The following PPP2R2B variants were observed in gnomAD, a reference collection of about 807,000 sequenced individuals.
PPP2R2B encodes the protein serine/threonine-protein phosphatase 2A 55 kDa regulatory subunit B beta isoform.
A neutral mutation model predicts 46.0 loss-of-function variants in PPP2R2B; 5 were observed. The observed-to-expected ratio is 0.11, with a 90% CI of 0.06 to 0.23. PPP2R2B has a LOEUF of 0.23. Ranked by LOEUF, PPP2R2B falls within the 10% of genes least tolerant of loss-of-function variation. The probability of loss-of-function intolerance (pLI) is 1.00; values close to 1 mark genes in which losing one functional copy is unlikely to be tolerated. For synonymous variants in PPP2R2B, 215 were observed against 206.7 expected, an observed-to-expected ratio of 1.04 and a Z score of -0.34; for missense variants, 367 against 575.0, an observed-to-expected ratio of 0.64 and a Z score of 3.70.
intron 1 of PPP2R2B, among the ~76,000 whole-genome samples, chr5:147,002,456 C>T (rs1754221920): frequency 6.6e-6 from 1 of 152,138 alleles, no homozygotes; most frequent in Admixed American, 6.5e-5. Flanking sequence ...TGGGGCATAA[C>T]ATCTTTATAG....
At chr5:146,683,743 G>A (rs1490559466) in intron 5 of PPP2R2B, among the ~76,000 whole-genome samples, 1 of 152,148 alleles carries the variant, frequency 6.6e-6, no homozygotes, top group Non-Finnish European at 1.5e-5. Flanking sequence ...TTGTCAGTGA[G>A]GGTAGTGGTT....
At chr5:146,618,132 C>A (rs981800140) in intron 7 of PPP2R2B, among the ~76,000 whole-genome samples, 4 of 152,180 alleles carry the variant, frequency 2.6e-5, no homozygotes, top group Non-Finnish European at 4.4e-5. Flanking sequence ...AATCAGCTAA[C>A]CTTAAGACAG....
chr5:146,588,053 ACTCT>A lies in PPP2R2B; in HGVS notation c.*1890_*1893del, dbSNP rs925626111. The stretch of plus-strand genomic sequence containing the variant: ...TCTCTATGACTGGCAGAAGTTTCTG[ACTCT>A]CTCATGTCTCCTCCAAGAACACTGT... On this transcript the variant is annotated 3_prime_UTR_variant, in exon 10 of 10. Transcript: ENST00000394411. 6.6e-6 allele frequency: 1 copy of A among 152,006 alleles called. No individual in the cohort carries two copies. Among genetic ancestry groups the A allele is most frequent in the Non-Finnish European group, 1.5e-5 (1 of 68,010 alleles). The allele number at this position is 152,006 out of a possible 1,614,324, so 9.4% of individuals were successfully genotyped here. A position where few individuals can be genotyped will look rare whatever the true frequency, so the allele number is the denominator to read the frequency against.
chr5:146,979,388 C>T (rs1753062063), intron 1 of PPP2R2B, among the ~76,000 whole-genome samples: 4 of 152,066 alleles, frequency 2.6e-5, no homozygotes, highest in African/African-American at 9.7e-5. Context: ...CTTTCTGTTT[C>T]CTTCCACTAG....
At chr5:146,644,261 A>AAAG (rs771634993) in intron 6 of PPP2R2B, among the ~76,000 whole-genome samples, 10,702 of 71,918 alleles carry the variant, frequency 0.15, 611 homozygotes, top group Non-Finnish European at 0.19. Context: ...AAAAAAAAAA[A>AAAG]AAGAAGAAGA....
chr5:146,642,139 G>T (rs1775263868), intron 6 of PPP2R2B, among the ~76,000 whole-genome samples: 1 of 152,218 alleles, frequency 6.6e-6, no homozygotes, highest in African/African-American at 2.4e-5. Context: ...AGGACAGGAG[G>T]GGGCATAGCC....
intron 1 of PPP2R2B, among the ~76,000 whole-genome samples, chr5:147,002,727 T>A (rs1275881737): frequency 6.7e-6 from 1 of 148,654 alleles, no homozygotes; most frequent in East Asian, 1.9e-4. Context: ...ATCACCAGGG[T>A]CCAGGGACCA....
chr5:146,925,235 G>C (rs780989227), intron 1 of PPP2R2B, among the ~76,000 whole-genome samples: 1 of 152,124 alleles, frequency 6.6e-6, no homozygotes, highest in Non-Finnish European at 1.5e-5. Flanking sequence ...ATCATTTACA[G>C]TGCTCTTCAT....
chr5:146,941,763 C>T (rs1452562622), intron 1 of PPP2R2B, among the ~76,000 whole-genome samples: 1 of 151,988 alleles, frequency 6.6e-6, no homozygotes, highest in Non-Finnish European at 1.5e-5. Flanking sequence ...AAATTTCCTC[C>T]CCAAATTAAA....
intron 6 of PPP2R2B, among the ~76,000 whole-genome samples, chr5:146,647,651 A>G (rs1194066724): frequency 6.6e-6 from 1 of 152,184 alleles, no homozygotes; most frequent in African/African-American, 2.4e-5. Flanking sequence ...TCCCCAAGGC[A>G]TCTGTCTCCC....
At chr5:146,727,852 C>T (rs3906653) in intron 2 of PPP2R2B, among the ~76,000 whole-genome samples, 48,345 of 151,700 alleles carry the variant, frequency 0.32, 9,935 homozygotes, top group East Asian at 0.58. Flanking sequence ...CCCAATTGCT[C>T]CCCCTTCCCC....
intron 2 of PPP2R2B, among the ~76,000 whole-genome samples, chr5:146,743,426 T>C (rs1752996143): frequency 6.6e-6 from 1 of 152,182 alleles, no homozygotes; most frequent in Non-Finnish European, 1.5e-5. Context: ...CCTTCACTTG[T>C]GGTACATAAA....
chr5:146,853,163 C>T (rs1430271327), intron 2 of PPP2R2B, among the ~76,000 whole-genome samples: 1 of 152,118 alleles, frequency 6.6e-6, no homozygotes, highest in Admixed American at 6.6e-5. Flanking sequence ...CTAGGAAATG[C>T]CACTTTTGAC....
intron 2 of PPP2R2B, chr5:146,707,044 T>G: frequency 9.1e-7 from 1 of 1,104,676 alleles, no homozygotes; most frequent in Non-Finnish European, 1.4e-6. Context: ...AAATTCATTC[T>G]CCGTCTCTGT....
At chr5:146,705,888 T>C (rs1185295473) in intron 2 of PPP2R2B, among the ~76,000 whole-genome samples, 1 of 152,098 alleles carries the variant, frequency 6.6e-6, no homozygotes, top group Non-Finnish European at 1.5e-5. Context: ...TGTCAAATGA[T>C]TGCAATTTTG....
chr5:146,952,479 A>T (rs1449128767), intron 1 of PPP2R2B, among the ~76,000 whole-genome samples: 2 of 152,042 alleles, frequency 1.3e-5, no homozygotes, highest in East Asian at 3.9e-4. Context: ...CTACACAAGG[A>T]TGGGGAAAAA....
In PPP2R2B at chr5:146,685,524, G is replaced by A. The variant is rs557065876; in HGVS notation, c.447+5604C>T. Among the ~76,000 whole-genome samples, 7 of 152,262 alleles carry A rather than the reference G, an allele frequency of 4.6e-5. No homozygotes were observed. The South Asian group carries it at 1.5e-3, about 32-fold the overall frequency. The stretch of plus-strand genomic sequence containing the variant: ...TTCACTCAGAGGATCTCTCTTTTGG[G>A]AAAACTAGCTAGTCTTTTCAGTCAA... On this transcript the variant is annotated intron_variant, in intron 5 of 9. Transcript: ENST00000394411.
chr5:146,706,955 A>G lies in PPP2R2B; in HGVS notation c.71-5813T>C. ...TTCATACAGCTGCCTGAGGAAGTTG[A>G]TATCGTCAGCCCTTCCAGGCAAGAC... On this transcript the variant is annotated intron_variant, in intron 2 of 9. Transcript: ENST00000394411. 2.8e-6 allele frequency: 3 copies of G among 1,053,430 alleles called. No individual in the cohort carries two copies. The South Asian group carries it at 3.8e-5, about 13-fold the overall frequency. The allele number at this position is 1,053,430 out of a possible 1,614,324, so 65.3% of individuals were successfully genotyped here.
chr5:146,666,396 T>C (rs1262889428), intron 5 of PPP2R2B, among the ~76,000 whole-genome samples: 2 of 152,242 alleles, frequency 1.3e-5, no homozygotes, highest in Non-Finnish European at 2.9e-5. Context: ...AGCATTTCTT[T>C]TGTAAGAAAA....
Sources: gnomAD v4.1 joint callset for allele counts (sites outside exome capture counted in the v4.1 genomes callset) on GRCh38, gnomAD v4.1.1 for gene constraint, MANE v1.5 for transcripts, NCBI Gene and HGNC (gene_info 2026-07-23, HGNC 2026-07-21) for gene names.